Variants in SGCZ observed in about 807,000 individuals in gnomAD.
SGCZ encodes the protein sarcoglycan zeta.
In SGCZ, 40 loss-of-function variants were observed where a neutral mutation model predicts 41.3. That is an observed-to-expected ratio of 0.97 (90% CI 0.75 to 1.26). The LOEUF (loss-of-function observed/expected upper bound fraction) is 1.26, where lower values mean the gene tolerates loss of function less well. SGCZ is among the 50% of genes most tolerant of loss of function. The probability of loss-of-function intolerance (pLI) is 0.00; values close to 1 mark genes in which losing one functional copy is unlikely to be tolerated. For synonymous variants in SGCZ, 206 were observed against 137.5 expected, an observed-to-expected ratio of 1.50 and a Z score of -3.49; for missense variants, 552 against 369.8, an observed-to-expected ratio of 1.49 and a Z score of -4.04.
intron 1 of SGCZ, among the ~76,000 whole-genome samples, chr8:14,650,597 G>A (rs1057298283): frequency 6.6e-5 from 10 of 151,838 alleles, no homozygotes. Context: ...ATAAGTGACA[G>A]GTTATCTTTA....
chr8:14,769,391 G>C (rs563677815), intron 1 of SGCZ, among the ~76,000 whole-genome samples: 1 of 152,272 alleles, frequency 6.6e-6, no homozygotes, highest in African/African-American at 2.4e-5. Context: ...AATGAGGACA[G>C]AACTTTTTTT....
At chr8:15,074,835 T>C (rs1019402897) in intron 1 of SGCZ, among the ~76,000 whole-genome samples, 1 of 152,154 alleles carries the variant, frequency 6.6e-6, no homozygotes, top group Non-Finnish European at 1.5e-5. Flanking sequence ...GACATCATCT[T>C]ATGCAGTCAC....
chr8:14,340,266 T>C (rs780470429), intron 2 of SGCZ, among the ~76,000 whole-genome samples: 5 of 152,178 alleles, frequency 3.3e-5, no homozygotes, highest in Non-Finnish European at 5.9e-5. Context: ...AAAAAGCCAA[T>C]TTTGTCAGTA....
chr8:14,454,211 G>A (rs1193699336), intron 2 of SGCZ, among the ~76,000 whole-genome samples: 1 of 152,100 alleles, frequency 6.6e-6, no homozygotes, highest in African/African-American at 2.4e-5. Context: ...AGGTTAAGAA[G>A]GTTGATTGGT....
chr8:14,448,908 T>C (rs1800511852), intron 2 of SGCZ, among the ~76,000 whole-genome samples: 1 of 152,192 alleles, frequency 6.6e-6, no homozygotes, highest in African/African-American at 2.4e-5. Flanking sequence ...CCTCTTAGAC[T>C]AGGCATGACC....
At chr8:14,358,620 A>AT (rs1330532086) in intron 2 of SGCZ, among the ~76,000 whole-genome samples, 1 of 152,036 alleles carries the variant, frequency 6.6e-6, no homozygotes, top group African/African-American at 2.4e-5. Flanking sequence ...GTATATATAT[A>AT]TATTTTTTTG....
chr8:14,965,407 G>C (rs929499053), intron 1 of SGCZ, among the ~76,000 whole-genome samples: 1 of 152,104 alleles, frequency 6.6e-6, no homozygotes, highest in African/African-American at 2.4e-5. Flanking sequence ...GGAAAGTAAA[G>C]GAGTCGCCAA....
chr8:15,185,300 T>G (rs1328125546), intron 1 of SGCZ, among the ~76,000 whole-genome samples: 1 of 152,206 alleles, frequency 6.6e-6, no homozygotes, highest in East Asian at 1.9e-4. Flanking sequence ...GAGCCAAAGC[T>G]CTGAGGTTTC....
intron 4 of SGCZ, among the ~76,000 whole-genome samples, chr8:14,230,519 T>C (rs1806525032): frequency 6.6e-6 from 1 of 152,100 alleles, no homozygotes; most frequent in Non-Finnish European, 1.5e-5. Context: ...TTGACAGATC[T>C]GGGATTTAGC....
intron 2 of SGCZ, among the ~76,000 whole-genome samples, chr8:14,420,899 C>A (rs1443628982): frequency 1.3e-5 from 2 of 152,206 alleles, no homozygotes; most frequent in Admixed American, 6.6e-5. Context: ...GCAGTTCTTT[C>A]CAGATTTAAC....
intron 2 of SGCZ, among the ~76,000 whole-genome samples, chr8:14,394,143 C>CTTTTTTTT (rs75054512): frequency 9.3e-4 from 109 of 117,464 alleles, no homozygotes; most frequent in Non-Finnish European, 1.3e-3. Context: ...CGCCCCCCAC[C>CTTTTTTTT]TTTTTTTTTT....
At chr8:14,641,968 G>T (rs73521691) in intron 1 of SGCZ, among the ~76,000 whole-genome samples, 1 of 151,702 alleles carries the variant, frequency 6.6e-6, no homozygotes, top group African/African-American at 2.4e-5. Context: ...TCCTGAACAC[G>T]TATCTCTGCA....
chr8:15,200,242 A>G (rs946351516), intron 1 of SGCZ, among the ~76,000 whole-genome samples: 2 of 152,256 alleles, frequency 1.3e-5, no homozygotes, highest in African/African-American at 4.8e-5. Flanking sequence ...TTAAAGCTCC[A>G]GAATTTAAAT....
chr8:15,200,744 C>A (rs1800863873), intron 1 of SGCZ, among the ~76,000 whole-genome samples: 1 of 152,034 alleles, frequency 6.6e-6, no homozygotes, highest in Non-Finnish European at 1.5e-5. Context: ...TAGGAACTAT[C>A]AATATCATTT....
chr8:14,816,500 C>G (rs1474621932), intron 1 of SGCZ, among the ~76,000 whole-genome samples: 1 of 152,154 alleles, frequency 6.6e-6, no homozygotes, highest in Non-Finnish European at 1.5e-5. Context: ...TGAAATTCAA[C>G]TTTCTGTTCA....
chr8:15,215,940 T>A (rs1801384535), intron 1 of SGCZ, among the ~76,000 whole-genome samples: 1 of 152,214 alleles, frequency 6.6e-6, no homozygotes, highest in Admixed American at 6.5e-5. Flanking sequence ...TCCTGCATTC[T>A]GTTTGAATAT....
At chr8:15,089,248 T>A (rs973852412) in intron 1 of SGCZ, among the ~76,000 whole-genome samples, 1 of 152,184 alleles carries the variant, frequency 6.6e-6, no homozygotes, top group Non-Finnish European at 1.5e-5. Flanking sequence ...TTTCTTTGAT[T>A]TCTCAGTCTC....
At chr8:14,504,041 A>G (rs1802232579) in intron 2 of SGCZ, among the ~76,000 whole-genome samples, 1 of 152,224 alleles carries the variant, frequency 6.6e-6, no homozygotes, top group East Asian at 1.9e-4. Context: ...TTATTTCTCT[A>G]AAGTTATCAT....
chr8:15,111,886 G>A (rs982778112), intron 1 of SGCZ, among the ~76,000 whole-genome samples: 4 of 144,504 alleles, frequency 2.8e-5, no homozygotes, highest in East Asian at 2.0e-4. Flanking sequence ...GCAACAGAGC[G>A]AGACTCCGTC....
Sources: gnomAD v4.1 joint callset for allele counts (sites outside exome capture counted in the v4.1 genomes callset) on GRCh38, gnomAD v4.1.1 for gene constraint, MANE v1.5 for transcripts, NCBI Gene and HGNC (gene_info 2026-07-23, HGNC 2026-07-21) for gene names.